OSBPL7: variants seen among roughly 807,000 people sequenced by gnomAD.
OSBPL7 encodes the protein oxysterol binding protein like 7.
Under a neutral mutation model 115.8 loss-of-function variants are expected in OSBPL7, and 66 were observed. The ratio of observed to expected loss-of-function variants is 0.57; its 90% confidence interval spans 0.47 to 0.70. The LOEUF (loss-of-function observed/expected upper bound fraction) is 0.70. Among genes scored for constraint, OSBPL7 ranks in the 30% least tolerant of loss-of-function variants. The pLI is 0.00. For missense variants in OSBPL7, 902 were observed against 1,125.5 expected (o/e 0.80, Z 2.84); for synonymous variants, 441 against 439.2 (o/e 1.00, Z -0.05).
In OSBPL7 at chr17:47,820,259, T is replaced by C. The variant is rs779497823; in HGVS notation, c.20A>G (p.Asp7Gly). Residue 7 changes from aspartate (D) to glycine (G), a missense_variant, in exon 2 of 23, where the codon GAC becomes GGC. By Grantham distance (94) the Asp-to-Gly change is moderately conservative. Around this residue, in one of 3 missense-constraint regions of OSBPL7, gnomAD observed 667 missense variants for 788.7 expected, o/e 0.85. Transcript: ENST00000007414. ...AGCGCTCTCAGGCAGGAAGGGCGGG[T>C]CCCTCTCTTGGAAGTCCATGGAGAA... The part of the protein sequence containing the change: MDFQER[D>G]PPFLPESAQS... The C allele has an allele frequency of 2.4e-5, 38 of 1,613,570 alleles. No individual in the cohort carries two copies. The highest frequency in any genetic ancestry group is 3.1e-5 in the Non-Finnish European group (37 of 1,179,860).
chr17:47,818,137 G>T, intron 7 of OSBPL7, 132 bp downstream of exon 7: 2 of 750,718 alleles, frequency 2.7e-6, no homozygotes, highest in Non-Finnish European at 4.3e-6. Flanking sequence ...AGGTAGACTG[G>T]ATCTCCTTGG....
Position 47,808,766 on chromosome 17 carries a change from CT to C in OSBPL7, c.2297+97del. On this transcript the variant is annotated intron_variant, in intron 21 of 22. Transcript: ENST00000007414. This position sits in a 1 kb window ranked among gnomAD's most constrained non-coding sequence, Gnocchi z 6.1. ...TGTCCTCTAGACAAGCCCCACTTCTCTGAGGCCACTCAGTGAAGGAAGGACA... is the reference window on the plus strand; with the variant it reads ...TGTCCTCTAGACAAGCCCCACTTCTCGAGGCCACTCAGTGAAGGAAGGACA... 1 of 1,602,200 alleles carries C rather than the reference CT, an allele frequency of 6.2e-7. No homozygotes were observed. The highest frequency in any genetic ancestry group is 2.2e-5 in the East Asian group (1 of 44,636).
intron 7 of OSBPL7, 139 bp from the exon 8 acceptor site, chr17:47,817,498 TCCTG>T (rs1233740545): frequency 5.1e-6 from 3 of 591,506 alleles, no homozygotes; most frequent in Non-Finnish European, 8.8e-6. Context: ...CAAGTGATTC[TCCTG>T]CCTCAGCCTC....
rs764550458 is a variant in OSBPL7 at position 47,809,057 on chromosome 17, CT to C, written c.2170+18del. 1.2e-6 allele frequency: 2 copies of C among 1,613,888 alleles called. No individual in the cohort carries two copies. The highest frequency in any genetic ancestry group is 1.7e-6 in the Non-Finnish European group (2 of 1,180,028). ...AGCTGCTCCAGCCTCACCCAGCCCT[CT>C]GTGACCCCTCCACTTACTGGGTTTC... On this transcript the variant is annotated intron_variant, in intron 20 of 22. Transcript: ENST00000007414.
At chr17:47,819,803 G>A in intron 3 of OSBPL7, 21 bp from the exon 4 acceptor site, 1 of 1,614,116 alleles carries the variant, frequency 6.2e-7, no homozygotes, top group Non-Finnish European at 8.5e-7. Flanking sequence ...GCCCAGGAGT[G>A]ACAGGACCCG....
intron 16 of OSBPL7, among the ~76,000 whole-genome samples, chr17:47,811,341 C>T (rs2143527035): frequency 6.6e-6 from 1 of 152,270 alleles, no homozygotes; most frequent in East Asian, 1.9e-4. Context: ...CCTTGCCTCT[C>T]TCTCCGTTCC....
At position 47,813,197 on chromosome 17, in the gene OSBPL7, T is replaced by C. The variant is rs1321694107; in HGVS notation, c.1737+69A>G. ...GGCCCTGGTCCCTCTGCCCCAGTTC[T>C]GGTCCCAAAGCCCAGGTCCCTCCTT... On this transcript the variant is annotated intron_variant, in intron 16 of 22. Coordinates refer to ENST00000007414, the MANE Select transcript of OSBPL7 (RefSeq NM_145798.3). The C allele has an allele frequency of 1.9e-6, 3 of 1,590,424 alleles. No individual in the cohort carries two copies. The African/African-American group carries it at 4.0e-5, about 21-fold the overall frequency.
chr17:47,814,278 C>T (rs1232284247), intron 14 of OSBPL7, among the ~76,000 whole-genome samples: 1 of 152,202 alleles, frequency 6.6e-6, no homozygotes, highest in African/African-American at 2.4e-5. Flanking sequence ...CTCCAAGGCC[C>T]TAGGCAAGCC....
intron 12 of OSBPL7, 177 bp from the exon 13 acceptor site, chr17:47,815,529 A>G (rs2033186495): frequency 2.7e-6 from 2 of 736,802 alleles, no homozygotes; most frequent in African/African-American, 1.8e-5. Context: ...AAGGCATAGT[A>G]AAATGAGCCC....
chr17:47,818,401 C>G lies in OSBPL7; in HGVS notation c.481-15G>C. 1 of 1,610,864 alleles carries G rather than the reference C, an allele frequency of 6.2e-7. No homozygotes were observed. The highest frequency in any genetic ancestry group is 8.5e-7 in the Non-Finnish European group (1 of 1,178,088). On this transcript the variant is annotated splice_polypyrimidine_tract_variant and intron_variant, in intron 6 of 22. Transcript: ENST00000007414. ...GCACCAGGAACCTGTGGGGTGAGCC[C>G]AGGGTCAGGAAGGATGATGCCCACC...
In OSBPL7 at chr17:47,821,725, C is replaced by T. The variant is rs116900206; in HGVS notation, c.-147G>A. On this transcript the variant is annotated 5_prime_UTR_variant, in exon 1 of 23. Transcript: ENST00000007414. ...TTGCGCCGCTCTGCCTCTGAGTCAC[C>T]GTCTCCGAGTCACCGGCTCCCTCCT... 0.022 allele frequency: 3,394 copies of T among 152,468 alleles called. 44 individuals are homozygous for T. Among genetic ancestry groups the T allele is most frequent in the Middle Eastern group, 0.051 (15 of 294 alleles). 9.4% of individuals were successfully genotyped at this position (152,468 alleles called of 1,614,324 possible). A position where few individuals can be genotyped will look rare whatever the true frequency, so the allele number is the denominator to read the frequency against.
At chr17:47,815,927 G>C in intron 12 of OSBPL7, 180 bp downstream of exon 12, 1 of 561,054 alleles carries the variant, frequency 1.8e-6, no homozygotes, top group Admixed American at 3.3e-5. Flanking sequence ...TACCCTGCAC[G>C]TTGTTACACA....
In OSBPL7 at chr17:47,808,858, A is replaced by T. The variant is rs1567937750; in HGVS notation, c.2297+6T>A. The T allele has an allele frequency of 6.2e-7, 1 of 1,614,074 alleles. No homozygotes were observed. ...GGTTCTAGGCCGGCACCCATCCGGC[A>T]CTGACCTCTGGTCTGGCCGGAGTCT... On this transcript the variant is annotated splice_donor_region_variant and intron_variant, in intron 21 of 22. Coordinates refer to ENST00000007414, the MANE Select transcript of OSBPL7 (RefSeq NM_145798.3). The surrounding 1 kb of genome is among the most constrained non-coding windows in gnomAD (Gnocchi z 6.1).
At chr17:47,819,356 T>A in intron 4 of OSBPL7, 1 of 562,400 alleles carries the variant, frequency 1.8e-6, no homozygotes. Flanking sequence ...GTCTGCAGGG[T>A]TGTGGAAGGC....
At chr17:47,817,145 A>G in intron 8 of OSBPL7, 111 bp downstream of exon 8, 1 of 877,568 alleles carries the variant, frequency 1.1e-6, no homozygotes, top group Non-Finnish European at 1.8e-6. Context: ...AAACCAGGCG[A>G]TGCATGGCTC....
intron 3 of OSBPL7, 40 bp downstream of exon 3, chr17:47,819,930 GC>G: frequency 7.1e-6 from 2 of 282,104 alleles, no homozygotes; most frequent in Non-Finnish European, 1.1e-5. Flanking sequence ...TTCCCACCCC[GC>G]CCCCCATGTC....
chr17:47,815,110 G>A, intron 13 of OSBPL7, 105 bp downstream of exon 13: 1 of 1,411,608 alleles, frequency 7.1e-7, no homozygotes, highest in Non-Finnish European at 9.6e-7. Flanking sequence ...TAGCAGCTGA[G>A]GTGGTGAGAA....
intron 18 of OSBPL7, 109 bp downstream of exon 18, chr17:47,810,485 A>G (rs1039535082): frequency 2.2e-5 from 20 of 910,466 alleles, no homozygotes; most frequent in Non-Finnish European, 3.3e-5. Context: ...AAGCAGCTTC[A>G]GGCCAGACCT....
chr17:47,814,534 C>T lies in OSBPL7; in HGVS notation c.1338G>A (p.Glu446=). The T allele has an allele frequency of 6.2e-7, 1 of 1,613,602 alleles. No homozygotes were observed. Among genetic ancestry groups the T allele is most frequent in the Non-Finnish European group, 8.5e-7 (1 of 1,179,858 alleles). Residue 446 remains glutamate, a synonymous_variant, in exon 14 of 23, where the codon GAG becomes GAA. Transcript: ENST00000007414. ...SEEMLDLRGA[E]RCQKGGCVPG... ...CCCAGCTGGCACCTTTCTGACAGCG[C>T]TCAGCTCCCCTGAGGTCCAGCATCT...
Sources: allele counts gnomAD v4.1 joint callset (sites outside exome capture counted in the v4.1 genomes callset), GRCh38; gene constraint gnomAD v4.1.1; regional missense constraint gnomAD v4.1.1; non-coding constraint Gnocchi (gnomAD v3.1); transcripts MANE v1.5; gene names NCBI Gene and HGNC (gene_info 2026-07-23, HGNC 2026-07-21).